MVP: variants seen among roughly 807,000 people sequenced by gnomAD.
The protein encoded by MVP is major vault protein.
MVP carries 62 observed loss-of-function variants against 83.5 expected under a neutral mutation model. That is an observed-to-expected ratio of 0.74 (90% CI 0.61 to 0.92). The LOEUF is 0.92. MVP is among the 40% of genes least tolerant of loss of function. MVP has a pLI of 0.00. For synonymous variants in MVP, 505 were observed against 504.1 expected, an observed-to-expected ratio of 1.00 and a Z score of -0.02; for missense variants, 1,000 against 1,203.4, an observed-to-expected ratio of 0.83 and a Z score of 2.50.
intron 6 of MVP, among the ~76,000 whole-genome samples, chr16:29,836,267 C>CAA (rs989574046): frequency 0.016 from 902 of 55,062 alleles, 19 homozygotes; most frequent in African/African-American, 0.054. Flanking sequence ...AACCCTGTCT[C>CAA]AAAAAAAAAA....
chr16:29,842,785 G>C (rs955849172), intron 10 of MVP, among the ~76,000 whole-genome samples: 6 of 152,192 alleles, frequency 3.9e-5, no homozygotes, highest in African/African-American at 1.4e-4. Flanking sequence ...AGGAGTTCAC[G>C]CAAATCCAGG....
At chr16:29,834,682 C>CTT (rs781580496) in intron 5 of MVP, 8 of 141,252 alleles carry the variant, frequency 5.7e-5, no homozygotes, top group South Asian at 2.2e-4. Flanking sequence ...ACCATTCCCA[C>CTT]TTTTTTTTTT....
rs201000564 is a variant in MVP at position 29,840,430 on chromosome 16, A to G, written c.1162A>G (p.Ile388Val). Residue 388 changes from isoleucine (I) to valine (V), a missense_variant, in exon 8 of 15, where the codon ATC becomes GTC. Physicochemically the swap from Ile to Val is conservative, Grantham distance 29. Coordinates refer to ENST00000357402, the MANE Select transcript of MVP (RefSeq NM_005115.5). ...QAIPLDENEG[I>V]YVQDVKTGKV... ...CATCCCTCTAGACGAGAACGAGGGC[A>G]TCTATGTGCAGGATGTCAAGACCGG... The G allele has an allele frequency of 6.3e-7, 1 of 1,577,262 alleles. No homozygotes were observed. The highest frequency in any genetic ancestry group is 1.3e-5 in the African/African-American group (1 of 74,748).
rs969182822 is a variant in MVP, at chr16:29,844,557, T to G, written c.1699T>G (p.Phe567Val). The G allele has an allele frequency of 3.7e-6, 6 of 1,602,404 alleles. No individual in the cohort carries two copies. Among genetic ancestry groups the G allele is most frequent in the Non-Finnish European group, 5.1e-6 (6 of 1,173,752 alleles). ...GGCCAAGCTCTTTTCAGTGCCAGACTTTGTAGGTGATGCCTGCAAAGCCAT... is the reference window on the plus strand; with the variant it reads ...GGCCAAGCTCTTTTCAGTGCCAGACGTTGTAGGTGATGCCTGCAAAGCCAT... ...ETAKLFSVPDFVGDACKAIAS... is the reference protein window; with the variant it reads ...ETAKLFSVPDVVGDACKAIAS... The change falls in exon 11 of 15, where the codon TTT becomes GTT. Residue 567 changes from phenylalanine (F) to valine (V), a missense_variant. Coordinates refer to ENST00000357402, the MANE Select transcript of MVP (RefSeq NM_005115.5).
intron 6 of MVP, among the ~76,000 whole-genome samples, chr16:29,836,175 G>A (rs565852079): frequency 3.3e-5 from 5 of 151,736 alleles, no homozygotes; most frequent in Admixed American, 3.3e-4. Context: ...CGCTGAGGCA[G>A]GAGAATCGCT....
chr16:29,827,652 C>T (rs2067413597), intron 1 of MVP, among the ~76,000 whole-genome samples: 1 of 152,080 alleles, frequency 6.6e-6, no homozygotes, highest in Non-Finnish European at 1.5e-5. Flanking sequence ...GGTAGCGTAC[C>T]CCTGTAATCT....
At chr16:29,830,414 G>A in intron 1 of MVP, 101 bp from the exon 2 acceptor site, 1 of 986,128 alleles carries the variant, frequency 1.0e-6, no homozygotes. Flanking sequence ...CCTGGCTGGA[G>A]GAGGTAGGGC....
intron 10 of MVP, among the ~76,000 whole-genome samples, chr16:29,843,181 GATAAGTC>G (rs915192606): frequency 7.9e-5 from 12 of 152,222 alleles, no homozygotes; most frequent in African/African-American, 2.9e-4. Flanking sequence ...GATTGGGTGA[GATAAGTC>G]ATGTACAGAA....
chr16:29,833,786 G>T lies in MVP; in HGVS notation c.375G>T (p.Ala125=). The T allele has an allele frequency of 1.9e-6, 3 of 1,614,038 alleles. No individual in the cohort carries two copies. The highest frequency in any genetic ancestry group is 2.5e-6 in the Non-Finnish European group (3 of 1,180,006). Residue 125 remains alanine, a synonymous_variant, in exon 4 of 15, where the codon GCG becomes GCT. Transcript: ENST00000357402. ...VLPNTALHLK[A]LLDFEDKDGD... Reference sequence around the variant, plus strand: ...CCAACACTGCCCTCCATCTAAAGGCGCTGCTTGATTTTGAGGATAAAGATG... The same window carrying T: ...CCAACACTGCCCTCCATCTAAAGGCTCTGCTTGATTTTGAGGATAAAGATG...
In MVP at chr16:29,845,313, C is replaced by T. The variant is rs577152598; in HGVS notation, c.2021+434C>T. On this transcript the variant is annotated intron_variant, in intron 11 of 14. Transcript: ENST00000357402. ...CAGCCGGCCTCCCCCGATTTGCCTT[C>T]TAGCCTCCCCCTTCCATGCTCCTCG... Among the ~76,000 whole-genome samples the T allele has an allele frequency of 3.9e-5, 6 of 152,124 alleles. 1 individual carries two copies. The highest frequency in any genetic ancestry group is 3.9e-4 in the Admixed American group (6 of 15,266).
intron 5 of MVP, chr16:29,835,258 C>T (rs1168650951): frequency 1.3e-5 from 2 of 154,176 alleles, no homozygotes; most frequent in African/African-American, 4.8e-5. Context: ...TCTTAGGAGG[C>T]CAAGGTGGGC....
Position 29,833,991 on chromosome 16 carries a change from A to T in MVP, c.502A>T (p.Ile168Phe), listed in dbSNP as rs1276142661. Residue 168 changes from isoleucine (I) to phenylalanine (F), a missense_variant, in exon 5 of 15, where the codon ATC (isoleucine) becomes TTC (phenylalanine). Ile to Phe is a conservative substitution (Grantham distance 21, BLOSUM62 0). Coordinates refer to ENST00000357402, the MANE Select transcript of MVP (RefSeq NM_005115.5). The part of the protein sequence containing the change: ...EVVEIIQATI[I>F]RQNQALRLRA... ...CGTGGAGATCATTCAGGCCACCATC[A>T]TCAGGCAGAACCAGGCTCTGCGGCT... 6.2e-7 allele frequency: 1 copy of T among 1,614,080 alleles called. No individual in the cohort carries two copies. The highest frequency in any genetic ancestry group is 2.2e-5 in the East Asian group (1 of 44,882).
chr16:29,823,967 G>A (rs576843812), intron 1 of MVP, among the ~76,000 whole-genome samples: 4 of 151,816 alleles, frequency 2.6e-5, no homozygotes, highest in Admixed American at 1.3e-4. Flanking sequence ...GGCCTGGCGC[G>A]GCAGATCACA....
intron 7 of MVP, among the ~76,000 whole-genome samples, chr16:29,838,358 C>A (rs186819539): frequency 6.6e-6 from 1 of 151,466 alleles, no homozygotes; most frequent in East Asian, 1.9e-4. Flanking sequence ...ATTGCTTGAA[C>A]CCGGGAGGCG....
At chr16:29,846,310 A>AG in intron 13 of MVP, 26 bp downstream of exon 13, 1 of 1,543,864 alleles carries the variant, frequency 6.5e-7, no homozygotes, top group Non-Finnish European at 8.8e-7. Context: ...CATTAAGAAG[A>AG]GGGTGGCCTT....
Position 29,836,658 on chromosome 16 carries a change from G to A in MVP, c.673-64G>A, listed in dbSNP as rs1021183884. ...GCATTGGGAGCATTTGGTGGCCAAT[G>A]GGGCTCGCAGATCCCCTGAAGTTGG... On this transcript the variant is annotated intron_variant, in intron 6 of 14. Transcript: ENST00000357402. The A allele has an allele frequency of 5.9e-6, 8 of 1,357,842 alleles. No homozygotes were observed. The East Asian group carries it at 9.7e-5, about 16-fold the overall frequency. 84.1% of individuals were successfully genotyped at this position (1,357,842 alleles called of 1,614,324 possible).
intron 11 of MVP, 27 bp from the exon 12 acceptor site, chr16:29,845,836 C>G (rs1447244539): frequency 1.9e-6 from 3 of 1,606,320 alleles, no homozygotes; most frequent in Admixed American, 1.7e-5. Context: ...CCATGCCAGC[C>G]TCTCACCTGC....
intron 1 of MVP, chr16:29,822,673 G>C (rs1271322655): frequency 1.3e-5 from 2 of 152,266 alleles, no homozygotes; most frequent in Non-Finnish European, 2.9e-5. Flanking sequence ...GAAGGGGCTG[G>C]AGGAGAATGA....
At chr16:29,842,689 A>T (rs1008582299) in intron 10 of MVP, among the ~76,000 whole-genome samples, 1 of 152,144 alleles carries the variant, frequency 6.6e-6, no homozygotes, top group South Asian at 2.1e-4. Context: ...GAACCCCAAG[A>T]AAAGGAGGGT....
Sources: gnomAD v4.1 joint callset for allele counts (sites outside exome capture counted in the v4.1 genomes callset) on GRCh38, gnomAD v4.1.1 for gene constraint, MANE v1.5 for transcripts, NCBI Gene and HGNC (gene_info 2026-07-23, HGNC 2026-07-21) for gene names.